Variants in PREPL observed in about 807,000 individuals in gnomAD.
PREPL encodes the protein prolyl endopeptidase like, also known as prolyl endopeptidase-like.
In PREPL, 77 loss-of-function variants were observed where a neutral mutation model predicts 70.6. That is an observed-to-expected ratio of 1.09 (90% CI 0.91 to 1.32). The LOEUF is 1.32. PREPL is among the 40% of genes most tolerant of loss of function. PREPL has a pLI of 0.00. For missense variants in PREPL, 1,002 were observed against 778.2 expected (o/e 1.29, Z -3.42); for synonymous variants, 315 against 264.8 (o/e 1.19, Z -1.84).
chr2:44,351,378 G>T (rs1448687729), intron 1 of PREPL, among the ~76,000 whole-genome samples: 3 of 152,008 alleles, frequency 2.0e-5, no homozygotes, highest in Non-Finnish European at 4.4e-5. Context: ...CAAATTTACA[G>T]CTGTAGCCTG....
intron 6 of PREPL, among the ~76,000 whole-genome samples, 198 bp from the exon 7 acceptor site, chr2:44,338,734 C>G (rs576485438): frequency 6.6e-6 from 1 of 152,236 alleles, no homozygotes; most frequent in Non-Finnish European, 1.5e-5. Context: ...GGTGGTGAGA[C>G]AGTATATCCA....
At chr2:44,356,050 AAT>A (rs1180417136) in intron 1 of PREPL, among the ~76,000 whole-genome samples, 1 of 152,152 alleles carries the variant, frequency 6.6e-6, no homozygotes. Context: ...TTGTAAGTAT[AAT>A]AGAGTAAGTT....
rs981742521 is a variant in PREPL, at chr2:44,319,918, T to G, written c.*1438A>C. 5.4e-6 allele frequency: 2 copies of G among 370,496 alleles called. No homozygotes were observed. Among genetic ancestry groups the G allele is most frequent in the Non-Finnish European group, 4.9e-6 (1 of 203,236 alleles). 23.0% of individuals were successfully genotyped at this position (370,496 alleles called of 1,614,324 possible). ...ACATGGACATTTGCTTTGGGACTCC[T>G]AAAGTGGAGTCAAATTTGATCTCTA... is the stretch of plus-strand genomic sequence containing the variant. On this transcript the variant is annotated 3_prime_UTR_variant, in exon 14 of 14. Transcript: ENST00000409411.
chr2:44,333,637 A>AT (rs1390744256), intron 7 of PREPL, among the ~76,000 whole-genome samples: 3 of 151,274 alleles, frequency 2.0e-5, no homozygotes, highest in Non-Finnish European at 3.0e-5. Context: ...AAAAAAAAAA[A>AT]ATCTATTTTC....
intron 4 of PREPL, among the ~76,000 whole-genome samples, chr2:44,342,786 T>A (rs1364131308): frequency 6.6e-6 from 1 of 152,122 alleles, no homozygotes; most frequent in East Asian, 1.9e-4. Context: ...AGTCTCAGGG[T>A]ACTCAGGTTT....
intron 1 of PREPL, among the ~76,000 whole-genome samples, chr2:44,346,936 T>A (rs1046121933): frequency 2.0e-5 from 3 of 152,296 alleles, no homozygotes; most frequent in Non-Finnish European, 2.9e-5. Flanking sequence ...ATTTTTTACT[T>A]TTTAAATTTT....
In PREPL at chr2:44,323,310, G is replaced by A. The variant is rs1257664816; in HGVS notation, c.1581C>T (p.His527=). The part of the protein sequence containing the change: ...EWGNPSSDEK[H]KNYIKRYCPY... ...GACAGTAACGTTTTATGTAGTTCTT[G>A]TGTTTTTCATCAGATGAAGGATTCC... The change falls in exon 11 of 14, where the codon CAC becomes CAT. Residue 527 remains histidine, a synonymous_variant. Transcript: ENST00000409411. 11 of 1,608,064 alleles carry A rather than the reference G, an allele frequency of 6.8e-6. No individual in the cohort carries two copies. The highest frequency in any genetic ancestry group is 9.4e-6 in the Non-Finnish European group (11 of 1,175,318).
At chr2:44,358,549 T>TA (rs1677298234) in intron 1 of PREPL, among the ~76,000 whole-genome samples, 1 of 152,214 alleles carries the variant, frequency 6.6e-6, no homozygotes, top group South Asian at 2.1e-4. Context: ...CATTTAATCC[T>TA]ACTTACTGTA....
Position 44,333,157 on chromosome 2 carries a change from A to T in PREPL, c.889-501T>A, listed in dbSNP as rs531682374. Among the ~76,000 whole-genome samples the T allele has an allele frequency of 5.9e-5, 9 of 152,340 alleles. No individual in the cohort carries two copies. In the South Asian group the frequency reaches 1.9e-3, roughly 32 times the overall value. On this transcript the variant is annotated intron_variant, in intron 7 of 13. Coordinates refer to ENST00000409411, the MANE Select transcript of PREPL (RefSeq NM_001171613.2). The stretch of plus-strand genomic sequence containing the variant: ...TTTCAGGGCTATAAACGGGCTCAGC[A>T]GCATTAAGGCATTTGCAATTTGTTT...
At chr2:44,356,543 T>TCAAACAAA (rs72565104) in intron 1 of PREPL, among the ~76,000 whole-genome samples, 4 of 150,386 alleles carry the variant, frequency 2.7e-5, no homozygotes, top group East Asian at 2.0e-4. Context: ...AGACTCCGTC[T>TCAAACAAA]CAAACAAACA....
At chr2:44,331,196 G>T (rs1674048626) in intron 8 of PREPL, among the ~76,000 whole-genome samples, 1 of 152,134 alleles carries the variant, frequency 6.6e-6, no homozygotes, top group South Asian at 2.1e-4. Context: ...TCCCAGCTTG[G>T]CCTCCCAAAG....
intron 9 of PREPL, among the ~76,000 whole-genome samples, chr2:44,328,632 G>T (rs754420746): frequency 6.6e-6 from 1 of 151,988 alleles, no homozygotes; most frequent in African/African-American, 2.4e-5. Context: ...AAGTTAAATG[G>T]AAAACAGTTC....
intron 8 of PREPL, among the ~76,000 whole-genome samples, chr2:44,331,288 C>G (rs1038756266): frequency 2.0e-5 from 3 of 152,208 alleles, no homozygotes; most frequent in Middle Eastern, 3.4e-3. Flanking sequence ...GGTCTTGGCT[C>G]ACTGCAACCT....
intron 1 of PREPL, chr2:44,359,632 C>A (rs1237159437): frequency 6.2e-7 from 1 of 1,612,034 alleles, no homozygotes; most frequent in Non-Finnish European, 8.5e-7. Context: ...TATAGTGATT[C>A]AAATGCTGTT....
intron 1 of PREPL, chr2:44,359,684 G>C: frequency 1.9e-6 from 3 of 1,612,884 alleles, no homozygotes; most frequent in South Asian, 1.1e-5. Context: ...ATACTTCAAA[G>C]CTTGGAGAAA....
In PREPL at chr2:44,319,859, C is replaced by T. The variant is rs1181716996; in HGVS notation, c.*1497G>A. 1.9e-5 allele frequency: 5 copies of T among 263,422 alleles called. No individual in the cohort carries two copies. In the East Asian group the frequency reaches 4.9e-4, roughly 26 times the overall value. 16.3% of individuals were successfully genotyped at this position (263,422 alleles called of 1,614,324 possible). A position where few individuals can be genotyped will look rare whatever the true frequency, so the allele number is the denominator to read the frequency against. ...GCCATCTGGCAGTTACAATATAGCA[C>T]AGAATGACTATGCAAGTTAAATATT... On this transcript the variant is annotated 3_prime_UTR_variant, in exon 14 of 14. Coordinates refer to ENST00000409411, the MANE Select transcript of PREPL (RefSeq NM_001171613.2).
At chr2:44,338,233 G>C in intron 7 of PREPL, 118 bp downstream of exon 7, 1 of 981,864 alleles carries the variant, frequency 1.0e-6, no homozygotes, top group Non-Finnish European at 1.5e-6. Context: ...TTCCATTTAA[G>C]TTACATTCCT....
chr2:44,321,312 G>T lies in PREPL; in HGVS notation c.*44C>A. ...CTAACTCAATTGGAAGTAAGACTAT[G>T]AAATATTTCAGTGTGTTTCCAATTC... is the stretch of plus-strand genomic sequence containing the variant. On this transcript the variant is annotated 3_prime_UTR_variant, in exon 14 of 14. Transcript: ENST00000409411. 1.4e-6 allele frequency: 2 copies of T among 1,453,876 alleles called. No homozygotes were observed. The highest frequency in any genetic ancestry group is 1.2e-5 in the South Asian group (1 of 84,016). 90.1% of individuals were successfully genotyped at this position (1,453,876 alleles called of 1,614,324 possible).
rs1672715611 is a variant in PREPL at position 44,319,304 on chromosome 2, T to G, written c.*2052A>C. 6.6e-6 allele frequency: 1 copy of G among 152,656 alleles called. No individual in the cohort carries two copies. The highest frequency in any genetic ancestry group is 1.5e-5 in the Non-Finnish European group (1 of 68,040). The allele number at this position is 152,656 out of a possible 1,614,324, so 9.5% of individuals were successfully genotyped here. On this transcript the variant is annotated 3_prime_UTR_variant, in exon 14 of 14. Coordinates refer to ENST00000409411, the MANE Select transcript of PREPL (RefSeq NM_001171613.2). ...ATTTGGCAACAGCTCTTATGAAGAA[T>G]AATTTGGCATTATGTATCAAGTGCC...
Sources: allele counts gnomAD v4.1 joint callset (sites outside exome capture counted in the v4.1 genomes callset), GRCh38; gene constraint gnomAD v4.1.1; transcripts MANE v1.5; gene names NCBI Gene and HGNC (gene_info 2026-07-23, HGNC 2026-07-21).